CSMD1: variants seen among roughly 807,000 people sequenced by gnomAD.
CSMD1 encodes the protein CUB and Sushi multiple domains 1, also known as CUB and sushi domain-containing protein 1.
Under a neutral mutation model 417.5 loss-of-function variants are expected in CSMD1, and 213 were observed. The ratio of observed to expected loss-of-function variants is 0.51; its 90% confidence interval spans 0.46 to 0.57. The LOEUF (loss-of-function observed/expected upper bound fraction) is 0.57. CSMD1 is among the 20% of genes least tolerant of loss of function. The pLI is 0.00. For missense variants in CSMD1, 6,923 were observed against 4,529.7 expected, an observed-to-expected ratio of 1.53 and a Z score of -15.17; for synonymous variants, 2,862 against 1,736.8, an observed-to-expected ratio of 1.65 and a Z score of -16.11.
chr8:3,483,819 G>T (rs1817876202), intron 11 of CSMD1, among the ~76,000 whole-genome samples: 1 of 152,058 alleles, frequency 6.6e-6, no homozygotes, highest in Admixed American at 6.6e-5. Context: ...TCCATTTTAT[G>T]AAAGGCTGAG....
At chr8:3,707,149 C>A (rs1467176875) in intron 7 of CSMD1, among the ~76,000 whole-genome samples, 4 of 152,164 alleles carry the variant, frequency 2.6e-5, no homozygotes, top group Non-Finnish European at 2.9e-5. Flanking sequence ...TATTGTCACA[C>A]AAGCAATTGT....
At chr8:3,074,341 T>A (rs1353773344) in intron 49 of CSMD1, among the ~76,000 whole-genome samples, 5 of 152,188 alleles carry the variant, frequency 3.3e-5, no homozygotes, top group Non-Finnish European at 2.9e-5. Context: ...CTTCCTGAAG[T>A]GTGTCTGTGC....
intron 1 of CSMD1, among the ~76,000 whole-genome samples, chr8:4,867,026 T>C (rs1445484336): frequency 6.6e-6 from 1 of 152,082 alleles, no homozygotes; most frequent in Non-Finnish European, 1.5e-5. Flanking sequence ...CAGGCTTTGA[T>C]TGCGTTTTTG....
At chr8:3,647,752 G>C (rs930923797) in intron 7 of CSMD1, among the ~76,000 whole-genome samples, 9 of 152,226 alleles carry the variant, frequency 5.9e-5, no homozygotes, top group African/African-American at 2.2e-4. Flanking sequence ...GAGACACAGA[G>C]AGTGAGACAG....
intron 2 of CSMD1, among the ~76,000 whole-genome samples, chr8:4,440,122 A>G (rs1249167500): frequency 6.6e-6 from 1 of 152,168 alleles, no homozygotes; most frequent in Non-Finnish European, 1.5e-5. Flanking sequence ...ATTCTCTTTA[A>G]AGTGCAGCTT....
Position 4,137,707 on chromosome 8 carries a change from G to A in CSMD1, c.416-105608C>T, listed in dbSNP as rs957921541. On this transcript the variant is annotated intron_variant, in intron 3 of 69. Coordinates refer to ENST00000635120, the MANE Select transcript of CSMD1 (RefSeq NM_033225.6). ...TAGCTGTAAGACAAGAGATCACATCGATAAAGATACTGTATTTCACGATGT... is the reference window on the plus strand; with the variant it reads ...TAGCTGTAAGACAAGAGATCACATCAATAAAGATACTGTATTTCACGATGT... 5.0e-5 allele frequency among the ~76,000 whole-genome samples: 6 copies of A among 119,904 alleles called. 2 individuals are homozygous for A. Among genetic ancestry groups the A allele is most frequent in the Admixed American group, 1.8e-4 (2 of 11,334 alleles). The allele number at this position is 119,904 out of a possible 152,430, so 78.7% of individuals were successfully genotyped here. A position where few individuals can be genotyped will look rare whatever the true frequency, so the allele number is the denominator to read the frequency against.
intron 12 of CSMD1, among the ~76,000 whole-genome samples, chr8:3,453,229 A>C (rs1257397233): frequency 1.3e-5 from 2 of 151,920 alleles, no homozygotes; most frequent in African/African-American, 4.8e-5. Context: ...TCTTGCTAGC[A>C]GTCTATCAAT....
chr8:4,709,695 C>T (rs1000431965), intron 1 of CSMD1, among the ~76,000 whole-genome samples: 8 of 152,168 alleles, frequency 5.3e-5, no homozygotes, highest in Non-Finnish European at 7.4e-5. Context: ...AGGTTTTCCA[C>T]AGCCTGGGGC....
chr8:4,679,739 T>C (rs1012764682), intron 1 of CSMD1, among the ~76,000 whole-genome samples: 27 of 152,210 alleles, frequency 1.8e-4, no homozygotes, highest in African/African-American at 6.5e-4. Context: ...TTAGTTTCTG[T>C]AACTACTTAT....
chr8:4,207,458 T>A (rs960687268), intron 3 of CSMD1, among the ~76,000 whole-genome samples: 2 of 152,146 alleles, frequency 1.3e-5, no homozygotes, highest in Non-Finnish European at 2.9e-5. Flanking sequence ...TTGAACCATA[T>A]CTAAAATTTT....
chr8:4,551,336 G>C (rs73182989), intron 2 of CSMD1, among the ~76,000 whole-genome samples: 4,848 of 152,208 alleles, frequency 0.032, 106 homozygotes, highest in Non-Finnish European at 0.048. Context: ...CCGGCTGTGA[G>C]TGCCTTTGGT....
chr8:4,899,741 G>T (rs1485019484), intron 1 of CSMD1, among the ~76,000 whole-genome samples: 1 of 152,032 alleles, frequency 6.6e-6, no homozygotes, highest in East Asian at 1.9e-4. Flanking sequence ...TTTTCTTGTG[G>T]GAAAAGAAAA....
chr8:3,606,315 G>A (rs930305390), intron 8 of CSMD1, among the ~76,000 whole-genome samples: 6 of 152,138 alleles, frequency 3.9e-5, no homozygotes, highest in Non-Finnish European at 8.8e-5. Flanking sequence ...GGTGTAGCCT[G>A]ATACACAGCT....
At chr8:4,590,413 A>G (rs1276114685) in intron 2 of CSMD1, among the ~76,000 whole-genome samples, 4 of 152,198 alleles carry the variant, frequency 2.6e-5, no homozygotes, top group Admixed American at 6.5e-5. Flanking sequence ...GGGCTTATTA[A>G]TTTTATGTTA....
chr8:4,022,748 A>G (rs1305806614), intron 4 of CSMD1, among the ~76,000 whole-genome samples: 1 of 152,204 alleles, frequency 6.6e-6, no homozygotes, highest in East Asian at 1.9e-4. Context: ...ACAGACAACT[A>G]GAAACTTTGG....
At chr8:4,936,946 C>T (rs1446448288) in intron 1 of CSMD1, among the ~76,000 whole-genome samples, 1 of 152,134 alleles carries the variant, frequency 6.6e-6, no homozygotes, top group East Asian at 1.9e-4. Flanking sequence ...TCTGGTGGCT[C>T]ATACCTATAA....
chr8:3,335,773 A>G (rs978563746), intron 23 of CSMD1, among the ~76,000 whole-genome samples: 3 of 152,238 alleles, frequency 2.0e-5, no homozygotes, highest in African/African-American at 7.2e-5. Flanking sequence ...TGGATGTTCT[A>G]TACAATGTCA....
intron 1 of CSMD1, among the ~76,000 whole-genome samples, chr8:4,886,002 CTTAT>C (rs1191862799): frequency 5.7e-5 from 3 of 52,214 alleles, no homozygotes; most frequent in Non-Finnish European, 9.6e-5. Context: ...TATTTATTTA[CTTAT>C]TTGAGACAGT....
At chr8:3,524,424 G>C (rs1797666534) in intron 10 of CSMD1, among the ~76,000 whole-genome samples, 1 of 139,374 alleles carries the variant, frequency 7.2e-6, no homozygotes, top group Non-Finnish European at 1.6e-5. Context: ...CACACAACCA[G>C]ACACATCTGC....
Sources: gnomAD v4.1 joint callset for allele counts (sites outside exome capture counted in the v4.1 genomes callset) on GRCh38, gnomAD v4.1.1 for gene constraint, MANE v1.5 for transcripts, NCBI Gene and HGNC (gene_info 2026-07-23, HGNC 2026-07-21) for gene names.